The following RYR1 variants were observed in gnomAD, a reference collection of about 807,000 sequenced individuals.
RYR1 encodes the protein central core disease of muscle.
RYR1 carries 342 observed loss-of-function variants against 583.5 expected under a neutral mutation model. That is an observed-to-expected ratio of 0.59 (90% CI 0.54 to 0.64). The LOEUF (loss-of-function observed/expected upper bound fraction) is 0.64. Among genes scored for constraint, RYR1 ranks in the 30% least tolerant of loss-of-function variants. RYR1 has a pLI of 0.00. For synonymous variants in RYR1, 2,791 were observed against 2,822.5 expected (o/e 0.99, Z 0.35); for missense variants, 6,032 against 6,917.2 (o/e 0.87, Z 4.54).
chr19:38,513,530 C>T (rs1970820194), intron 63 of RYR1, among the ~76,000 whole-genome samples: 3 of 152,128 alleles, frequency 2.0e-5, no homozygotes, highest in Middle Eastern at 6.9e-3. Flanking sequence ...CTTCTCCCAT[C>T]CAACTTTGTA....
At chr19:38,490,962 G>T (rs776568684) in intron 37 of RYR1, among the ~76,000 whole-genome samples, 1 of 152,222 alleles carries the variant, frequency 6.6e-6, no homozygotes, top group Non-Finnish European at 1.5e-5. Context: ...ATGGGTATGT[G>T]AATTGATGGA....
chr19:38,482,898 C>T (rs955018096), intron 31 of RYR1, 129 bp from the exon 32 acceptor site: 1 of 822,878 alleles, frequency 1.2e-6, no homozygotes, highest in African/African-American at 1.7e-5. Context: ...TAAGGGTGAC[C>T]TCTGAGCCAT....
In RYR1 at chr19:38,527,504, C is replaced by T. The variant is rs555909043; in HGVS notation, c.10687-143C>T. The T allele has an allele frequency of 3.8e-4, 418 of 1,098,132 alleles. 7 individuals are homozygous for T. In the South Asian group the frequency reaches 5.8e-3, roughly 15 times the overall value. The allele number at this position is 1,098,132 out of a possible 1,614,324, so 68.0% of individuals were successfully genotyped here. A position where few individuals can be genotyped will look rare whatever the true frequency, so the allele number is the denominator to read the frequency against. ...CAGCCTGGGTGATGGGGCGAGGCTCCGTCTCAAAACAAAAAGATGAAGAAG... is the reference window on the plus strand; with the variant it reads ...CAGCCTGGGTGATGGGGCGAGGCTCTGTCTCAAAACAAAAAGATGAAGAAG... On this transcript the variant is annotated intron_variant, in intron 72 of 105. Coordinates refer to ENST00000359596, the MANE Select transcript of RYR1 (RefSeq NM_000540.3).
chr19:38,547,205 ATTT>A (rs1204178433), intron 88 of RYR1, among the ~76,000 whole-genome samples: 1 of 123,668 alleles, frequency 8.1e-6, no homozygotes, highest in African/African-American at 3.0e-5. Flanking sequence ...CACCTGGCTA[ATTT>A]TTTTTTTTTT....
intron 84 of RYR1, among the ~76,000 whole-genome samples, chr19:38,539,719 A>T (rs530809686): frequency 6.6e-6 from 1 of 152,258 alleles, no homozygotes; most frequent in East Asian, 1.9e-4. Flanking sequence ...AATCAAATAG[A>T]TATTTGAAAT....
chr19:38,457,002 C>A (rs147317642), intron 16 of RYR1, among the ~76,000 whole-genome samples: 1 of 125,166 alleles, frequency 8.0e-6, no homozygotes, highest in African/African-American at 3.0e-5. Context: ...GCTGAGATTG[C>A]GCCACTGCAC....
At chr19:38,480,830 C>T (rs377403265) in intron 31 of RYR1, among the ~76,000 whole-genome samples, 10 of 151,722 alleles carry the variant, frequency 6.6e-5, no homozygotes, top group Non-Finnish European at 8.8e-5. Flanking sequence ...CTGCAACCTT[C>T]GCCTCCCGGG....
chr19:38,486,777 TCATC>T (rs1289541452), intron 34 of RYR1, among the ~76,000 whole-genome samples: 1 of 152,160 alleles, frequency 6.6e-6, no homozygotes, highest in African/African-American at 2.4e-5. Flanking sequence ...CAACCATCAT[TCATC>T]CATCCATCAA....
intron 89 of RYR1, among the ~76,000 whole-genome samples, chr19:38,555,020 C>T (rs1972819026): frequency 6.6e-6 from 1 of 152,122 alleles, no homozygotes; most frequent in South Asian, 2.1e-4. Flanking sequence ...ACATTTTAAT[C>T]ATCCTTTGAA....
chr19:38,542,397 C>T (rs1365905127), intron 84 of RYR1, among the ~76,000 whole-genome samples: 1 of 152,166 alleles, frequency 6.6e-6, no homozygotes, highest in African/African-American at 2.4e-5. Flanking sequence ...ATCTCTATTT[C>T]TCCCTGCTAC....
rs1967665692 is a variant in RYR1, at chr19:38,460,426, A to G, written c.2412A>G (p.Pro804=). ...GRHGEFKFLP[P]PGYAPCHEAV... ...ATGGTGAATTCAAGTTCCTGCCCCC[A>G]CCTGGCTATGCTCCATGCCATGAGG... The change falls in exon 20 of 106, where the codon CCA becomes CCG. Residue 804 remains proline (P), a synonymous_variant. Transcript: ENST00000359596. 2 of 1,613,524 alleles carry G rather than the reference A, an allele frequency of 1.2e-6. No individual in the cohort carries two copies. Among genetic ancestry groups the G allele is most frequent in the Non-Finnish European group, 1.7e-6 (2 of 1,179,936 alleles).
Position 38,483,442 on chromosome 19 carries a change from C to G in RYR1, c.4860C>G (p.Gly1620=), listed in dbSNP as rs200979691. ...TGCAGGTGGAGACGAGGCGTGCCGG[C>G]GAGCGGCTGGGCTGGGCCGTGCAGT... ...HFLQVETRRA[G]ERLGWAVQCQ... Residue 1620 remains glycine (G), a synonymous_variant, in exon 33 of 106, where the codon GGC becomes GGG. Transcript: ENST00000359596. This position sits in a 1 kb window ranked among gnomAD's most constrained non-coding sequence, Gnocchi z 6.3. 1.9e-6 allele frequency: 3 copies of G among 1,574,238 alleles called. No homozygotes were observed. The highest frequency in any genetic ancestry group is 1.2e-5 in the South Asian group (1 of 86,048).
At chr19:38,480,851 C>G (rs527523936) in intron 31 of RYR1, among the ~76,000 whole-genome samples, 13 of 151,868 alleles carry the variant, frequency 8.6e-5, no homozygotes, top group Admixed American at 8.5e-4. Flanking sequence ...CTCAAGCCTC[C>G]TAAGTATGTG....
At chr19:38,577,863 C>T (rs1006857132) in intron 97 of RYR1, 55 bp from the exon 98 acceptor site, 11 of 1,609,450 alleles carry the variant, frequency 6.8e-6, no homozygotes, top group African/African-American at 2.7e-5. Context: ...TTGCAGGCCA[C>T]GACACACACC....
chr19:38,567,527 G>A (rs1291396855), intron 92 of RYR1, among the ~76,000 whole-genome samples: 1 of 152,018 alleles, frequency 6.6e-6, no homozygotes, highest in East Asian at 1.9e-4. Context: ...AACCCCCTGA[G>A]CTTCCTCCAT....
chr19:38,441,243 A>C (rs1395589049), intron 2 of RYR1, among the ~76,000 whole-genome samples: 2 of 136,166 alleles, frequency 1.5e-5, no homozygotes, highest in African/African-American at 2.7e-5. Flanking sequence ...GGAGCAGGGA[A>C]ACTGAGGGAC....
In RYR1 at chr19:38,495,110, C is replaced by T. The variant is rs76546688; in HGVS notation, c.6548+485C>T. The stretch of plus-strand genomic sequence containing the variant: ...CAGGTGATCCACCCGCCTCGGCCTC[C>T]CAAAGTGCTGGGATTAGAGACGTGA... On this transcript the variant is annotated intron_variant, in intron 39 of 105. Coordinates refer to ENST00000359596, the MANE Select transcript of RYR1 (RefSeq NM_000540.3). 2.4e-3 allele frequency among the ~76,000 whole-genome samples: 369 copies of T among 152,188 alleles called. 12 individuals are homozygous for T. In the East Asian group the frequency reaches 0.038, roughly 16 times the overall value.
chr19:38,566,306 G>A (rs1432555473), intron 91 of RYR1, among the ~76,000 whole-genome samples: 2 of 151,580 alleles, frequency 1.3e-5, no homozygotes, highest in African/African-American at 4.8e-5. Context: ...AAAATTAGCC[G>A]GGCATGGTGG....
chr19:38,561,038 CTT>C lies in RYR1; in HGVS notation c.12283-74_12283-73del. The C allele has an allele frequency of 3.3e-6, 4 of 1,217,660 alleles. No homozygotes were observed. Among genetic ancestry groups the C allele is most frequent in the Non-Finnish European group, 4.6e-6 (4 of 862,694 alleles). 75.4% of individuals were successfully genotyped at this position (1,217,660 alleles called of 1,614,324 possible). On this transcript the variant is annotated intron_variant, in intron 89 of 105. Transcript: ENST00000359596. This position sits in a 1 kb window ranked among gnomAD's most constrained non-coding sequence, Gnocchi z 4.8. ...CCTGGGCGACACAGCGAGACCTTGT[CTT>C]AAAAAAAAAAAAAAAAAGAGAGAGA...
Sources: gnomAD v4.1 joint callset for allele counts (sites outside exome capture counted in the v4.1 genomes callset) on GRCh38, gnomAD v4.1.1 for gene constraint, Gnocchi (gnomAD v3.1) non-coding constraint, MANE v1.5 for transcripts, NCBI Gene and HGNC (gene_info 2026-07-23, HGNC 2026-07-21) for gene names.